Variants in CCDC102B observed in about 807,000 individuals in gnomAD.
The protein encoded by CCDC102B is coiled-coil domain containing 102B.
A neutral mutation model predicts 57.4 loss-of-function variants in CCDC102B; 75 were observed. The observed-to-expected ratio is 1.31, with a 90% CI of 1.08 to 1.58. The LOEUF is 1.58. Ranked by LOEUF, CCDC102B falls within the 40% of genes most tolerant of loss-of-function variation. The probability of loss-of-function intolerance (pLI) is 0.00; values close to 1 mark genes in which losing one functional copy is unlikely to be tolerated. For missense variants in CCDC102B, 636 were observed against 582.6 expected (o/e 1.09, Z -0.94); for synonymous variants, 206 against 201.9 (o/e 1.02, Z -0.17).
At chr18:68,773,643 A>C (rs2034714946) in intron 2 of CCDC102B, among the ~76,000 whole-genome samples, 1 of 152,132 alleles carries the variant, frequency 6.6e-6, no homozygotes, top group Non-Finnish European at 1.5e-5. Context: ...AATAAAAGCT[A>C]TATTTTTCAA....
At chr18:68,767,360 T>C (rs1432960484) in intron 2 of CCDC102B, among the ~76,000 whole-genome samples, 1 of 152,206 alleles carries the variant, frequency 6.6e-6, no homozygotes, top group Non-Finnish European at 1.5e-5. Flanking sequence ...ACCAGAGCCT[T>C]CTTTCTGGGC....
chr18:68,958,193 C>T (rs1282997105), intron 6 of CCDC102B, among the ~76,000 whole-genome samples: 1 of 152,152 alleles, frequency 6.6e-6, no homozygotes, highest in Non-Finnish European at 1.5e-5. Context: ...TTACCTCCTA[C>T]TGGGTCTCTC....
chr18:68,899,150 A>T (rs1426748296), intron 6 of CCDC102B, among the ~76,000 whole-genome samples: 1 of 152,012 alleles, frequency 6.6e-6, no homozygotes, highest in African/African-American at 2.4e-5. Flanking sequence ...TCTTCATTAC[A>T]AATTCAGACT....
intron 1 of CCDC102B, among the ~76,000 whole-genome samples, chr18:68,835,622 C>T (rs1374445472): frequency 2.6e-5 from 4 of 152,058 alleles, no homozygotes; most frequent in African/African-American, 9.7e-5. Context: ...AAAACTCAAC[C>T]ATCATAACTT....
intron 7 of CCDC102B, among the ~76,000 whole-genome samples, chr18:69,014,925 G>A (rs1251819968): frequency 1.3e-5 from 2 of 149,500 alleles, no homozygotes; most frequent in South Asian, 2.1e-4. Flanking sequence ...AGTTTGTGAC[G>A]AAGTGAGTGG....
chr18:68,870,126 A>G (rs2039177503), intron 4 of CCDC102B, among the ~76,000 whole-genome samples: 1 of 152,166 alleles, frequency 6.6e-6, no homozygotes. Context: ...GTTCTCACTC[A>G]TAAGTGGGAC....
Position 68,739,612 on chromosome 18 carries a change from T to C in CCDC102B, c.-67+23018T>C, listed in dbSNP as rs1234974724. Among the ~76,000 whole-genome samples the C allele has an allele frequency of 3.3e-5, 5 of 152,330 alleles. No individual in the cohort carries two copies. In the East Asian group the frequency reaches 9.6e-4, roughly 29 times the overall value. On this transcript the variant is annotated intron_variant, in intron 2 of 3. Transcript: ENST00000578970. Reference sequence around the variant, plus strand: ...ACTTGGTGTTTCTGAGAGTACACAATATAGTATTTTTGTCCATGACGTCAC... The same window carrying C: ...ACTTGGTGTTTCTGAGAGTACACAACATAGTATTTTTGTCCATGACGTCAC...
chr18:68,724,361 C>G (rs1008768405), intron 2 of CCDC102B, among the ~76,000 whole-genome samples: 1 of 152,198 alleles, frequency 6.6e-6, no homozygotes, highest in East Asian at 1.9e-4. Flanking sequence ...ATTTCTGCAG[C>G]TTGTACTTCT....
At chr18:68,721,125 T>C (rs887834682) in intron 2 of CCDC102B, 2 of 152,214 alleles carry the variant, frequency 1.3e-5, no homozygotes, top group African/African-American at 4.8e-5. Context: ...GTTCCTACTC[T>C]CTCAGAACTC....
At chr18:69,006,266 A>G (rs576714866) in intron 6 of CCDC102B, among the ~76,000 whole-genome samples, 3 of 152,326 alleles carry the variant, frequency 2.0e-5, no homozygotes, top group African/African-American at 7.2e-5. Context: ...GTATGATCCT[A>G]TATACCTTCA....
chr18:69,002,395 A>G (rs961192532), intron 6 of CCDC102B, among the ~76,000 whole-genome samples: 1 of 152,160 alleles, frequency 6.6e-6, no homozygotes, highest in African/African-American at 2.4e-5. Flanking sequence ...AGATACTCAC[A>G]TGGCCATGCC....
chr18:68,851,170 A>T (rs1208611036), intron 4 of CCDC102B, among the ~76,000 whole-genome samples: 2 of 152,184 alleles, frequency 1.3e-5, no homozygotes, highest in Non-Finnish European at 2.9e-5. Context: ...ATAGCTATAA[A>T]TGCTTACCTT....
At chr18:69,014,164 A>G (rs2051597106) in intron 7 of CCDC102B, among the ~76,000 whole-genome samples, 1 of 152,194 alleles carries the variant, frequency 6.6e-6, no homozygotes, top group South Asian at 2.1e-4. Flanking sequence ...AAAGATTACT[A>G]AGTCATTAAT....
chr18:68,754,868 T>A (rs1476840410), intron 2 of CCDC102B: 4 of 152,196 alleles, frequency 2.6e-5, no homozygotes, highest in Admixed American at 2.0e-4. Context: ...TCTAGCTCCT[T>A]CCACCATGTG....
At chr18:69,040,625 C>G (rs1054089260) in intron 7 of CCDC102B, among the ~76,000 whole-genome samples, 2 of 151,926 alleles carry the variant, frequency 1.3e-5, no homozygotes, top group African/African-American at 4.8e-5. Flanking sequence ...CATTCTACCT[C>G]CAACCATATC....
At chr18:68,936,114 C>G (rs991383429) in intron 6 of CCDC102B, among the ~76,000 whole-genome samples, 5 of 151,818 alleles carry the variant, frequency 3.3e-5, no homozygotes, top group African/African-American at 1.2e-4. Flanking sequence ...TATCTAAAGG[C>G]TCTGTGTATA....
At chr18:68,945,221 CTTATT>C (rs1350084088) in intron 6 of CCDC102B, among the ~76,000 whole-genome samples, 1 of 151,594 alleles carries the variant, frequency 6.6e-6, no homozygotes, top group Non-Finnish European at 1.5e-5. Context: ...ATGACAATCA[CTTATT>C]TTACATAACA....
At chr18:69,023,483 GTAA>G (rs1440738132) in intron 7 of CCDC102B, among the ~76,000 whole-genome samples, 2 of 151,696 alleles carry the variant, frequency 1.3e-5, no homozygotes, top group African/African-American at 2.4e-5. Flanking sequence ...AACAAATAAT[GTAA>G]TAATATAATA....
rs757195511 is a variant in CCDC102B, at chr18:68,949,723, C to T, written c.1263+52295C>T. On this transcript the variant is annotated intron_variant, in intron 6 of 7. Transcript: ENST00000360242. Reference sequence around the variant, plus strand: ...AGAAATCTTTTCTCTTTCTATCCTACATGTTTTTTCGTCTTTCGCTACTCT... The same window carrying T: ...AGAAATCTTTTCTCTTTCTATCCTATATGTTTTTTCGTCTTTCGCTACTCT... 2.0e-4 allele frequency among the ~76,000 whole-genome samples: 31 copies of T among 152,212 alleles called. No homozygotes were observed. The East Asian group carries it at 2.9e-3, about 14-fold the overall frequency.
Sources: allele counts gnomAD v4.1 joint callset (sites outside exome capture counted in the v4.1 genomes callset), GRCh38; gene constraint gnomAD v4.1.1; transcripts MANE v1.5; gene names NCBI Gene and HGNC (gene_info 2026-07-23, HGNC 2026-07-21).